RGS8: variants seen among roughly 807,000 people sequenced by gnomAD.
RGS8 encodes the protein regulator of G-protein signaling 8.
In RGS8, 8 loss-of-function variants were observed where a neutral mutation model predicts 21.7. The observed-to-expected ratio is 0.37, with a 90% CI of 0.22 to 0.66. The LOEUF (loss-of-function observed/expected upper bound fraction) is 0.66. RGS8 is among the 30% of genes least tolerant of loss of function. The pLI is 0.59. For missense variants in RGS8, 157 were observed against 217.9 expected, an observed-to-expected ratio of 0.72 and a Z score of 1.76; for synonymous variants, 80 against 83.6, an observed-to-expected ratio of 0.96 and a Z score of 0.24.
intron 5 of RGS8, 124 bp downstream of exon 6, chr1:182,665,845 G>C (rs931550366): frequency 1.1e-5 from 8 of 698,190 alleles, no homozygotes; most frequent in Admixed American, 2.3e-5. Flanking sequence ...GGCTCTGTGA[G>C]AGCGGGGCCC....
At chr1:182,669,824 G>C in intron 2 of RGS8, 72 bp from the exon 4 acceptor site, 1 of 1,437,174 alleles carries the variant, frequency 7.0e-7, no homozygotes, top group Non-Finnish European at 9.2e-7. Context: ...CCTCTCAGAC[G>C]GGTTTCCGCC....
chr1:182,668,161 C>A lies in RGS8; in HGVS notation c.27-1188G>T, dbSNP rs75328487. 4.7e-4 allele frequency among the ~76,000 whole-genome samples: 72 copies of A among 152,280 alleles called. 1 individual carries two copies. In the East Asian group the frequency reaches 0.013, roughly 27 times the overall value. ...AGCACAGACCATATGGCCCACAAAC[C>A]CAAAAATATTTATTCTCTAGCCCTT... On this transcript the variant is annotated intron_variant, in intron 3 of 6. Transcript: ENST00000483095.
the RGS8 span, among the ~76,000 whole-genome samples, chr1:182,742,783 G>C: frequency 9.4e-6 from 1 of 106,004 alleles, no homozygotes; most frequent in Non-Finnish European, 2.3e-5. Flanking sequence ...GGGAGAGGGA[G>C]AGGGACTCAT....
At chr1:182,705,123 A>T in the RGS8 span, among the ~76,000 whole-genome samples, 1 of 152,224 alleles carries the variant, frequency 6.6e-6, no homozygotes. Flanking sequence ...ATATATAAAA[A>T]TAAATTCATT....
At chr1:182,730,513 C>G in the RGS8 span, among the ~76,000 whole-genome samples, 1 of 151,882 alleles carries the variant, frequency 6.6e-6, no homozygotes. Flanking sequence ...AGTTCGAGAC[C>G]AGCCTGGCTA....
chr1:182,709,485 A>C, the RGS8 span, among the ~76,000 whole-genome samples: 2 of 152,184 alleles, frequency 1.3e-5, no homozygotes, highest in Non-Finnish European at 2.9e-5. Context: ...CATCAATGTG[A>C]CACCTCATAT....
chr1:182,704,944 C>T, the RGS8 span, among the ~76,000 whole-genome samples: 3 of 152,152 alleles, frequency 2.0e-5, no homozygotes, highest in Non-Finnish European at 4.4e-5. Context: ...CAGCCTCCTA[C>T]TGCAGGTTGT....
At chr1:182,665,829 G>A in intron 5 of RGS8, 140 bp downstream of exon 6, 1 of 624,394 alleles carries the variant, frequency 1.6e-6, no homozygotes, top group Non-Finnish European at 2.9e-6. Flanking sequence ...GCTCCTCTAG[G>A]CAGGAGGCTC....
upstream of RGS8, among the ~76,000 whole-genome samples, chr1:182,677,677 CATTT>C (rs1664409158): frequency 6.6e-6 from 1 of 152,206 alleles, no homozygotes; most frequent in Non-Finnish European, 1.5e-5. Context: ...CTTGAGCATT[CATTT>C]GTCTCCTCAC....
chr1:182,722,675 G>A, the RGS8 span, among the ~76,000 whole-genome samples: 2 of 152,054 alleles, frequency 1.3e-5, no homozygotes, highest in South Asian at 4.1e-4. Context: ...TGTCCTCTCT[G>A]TTTATAAAGA....
At chr1:182,750,465 CTA>C in the RGS8 span, among the ~76,000 whole-genome samples, 1 of 152,134 alleles carries the variant, frequency 6.6e-6, no homozygotes, top group Non-Finnish European at 1.5e-5. Flanking sequence ...AAAAAATACC[CTA>C]TGTCTTAGGT....
At chr1:182,694,896 G>A in the RGS8 span, among the ~76,000 whole-genome samples, 1 of 151,760 alleles carries the variant, frequency 6.6e-6, no homozygotes, top group African/African-American at 2.4e-5. Context: ...ACACATAATT[G>A]CAGAATGAAG....
chr1:182,733,329 G>T, the RGS8 span, among the ~76,000 whole-genome samples: 1 of 152,166 alleles, frequency 6.6e-6, no homozygotes, highest in Admixed American at 6.5e-5. Context: ...TAATTATCTG[G>T]GAGAATTCAT....
intron 5 of RGS8, among the ~76,000 whole-genome samples, chr1:182,648,520 G>A (rs1662815366): frequency 1.3e-5 from 2 of 152,064 alleles, no homozygotes; most frequent in Non-Finnish European, 2.9e-5. Context: ...GATCACCTGA[G>A]GTCATGAGTT....
Position 182,671,652 on chromosome 1 carries a change from C to T in RGS8, c.-104+5G>A. 6.2e-7 allele frequency: 1 copy of T among 1,613,630 alleles called. No individual in the cohort carries two copies. The highest frequency in any genetic ancestry group is 1.1e-5 in the South Asian group (1 of 91,078). ...AAGAAAGAGAAAAGCAAAGGCAATA[C>T]TCACTGTCTTTGGCCAGTCCTCATG... is the stretch of plus-strand genomic sequence containing the variant. On this transcript the variant is annotated splice_donor_5th_base_variant and intron_variant, in intron 2 of 6. Transcript: ENST00000483095.
intron 5 of RGS8, among the ~76,000 whole-genome samples, chr1:182,654,214 GT>G (rs1663157141): frequency 6.6e-6 from 1 of 152,036 alleles, no homozygotes; most frequent in African/African-American, 2.4e-5. Flanking sequence ...CCAAAGCAAG[GT>G]CTCTCCAGAT....
the RGS8 span, among the ~76,000 whole-genome samples, chr1:182,749,456 A>G: frequency 6.6e-6 from 1 of 152,234 alleles, no homozygotes; most frequent in South Asian, 2.1e-4. Context: ...TGTCTGTTTT[A>G]ATACCACACA....
At chr1:182,663,110 A>T (rs570114302) in intron 5 of RGS8, among the ~76,000 whole-genome samples, 6 of 152,214 alleles carry the variant, frequency 3.9e-5, no homozygotes, top group East Asian at 1.9e-4. Flanking sequence ...GCTTCTTAGG[A>T]CATGTTATTG....
chr1:182,673,320 T>C (rs141279481), upstream of RGS8, among the ~76,000 whole-genome samples: 19 of 152,372 alleles, frequency 1.2e-4, no homozygotes, highest in Non-Finnish European at 1.8e-4. Context: ...GGTATTATTA[T>C]TCCCATGTTA....
Sources: allele counts gnomAD v4.1 joint callset (sites outside exome capture counted in the v4.1 genomes callset), GRCh38; gene constraint gnomAD v4.1.1; transcripts MANE v1.5; gene names NCBI Gene and HGNC (gene_info 2026-07-23, HGNC 2026-07-21).